The following CTNNA2 variants were observed in gnomAD, a reference collection of about 807,000 sequenced individuals.
The protein encoded by CTNNA2 is catenin alpha-2.
CTNNA2 carries 42 observed loss-of-function variants against 101.0 expected under a neutral mutation model. The observed-to-expected ratio is 0.42, with a 90% CI of 0.32 to 0.54. The LOEUF (loss-of-function observed/expected upper bound fraction) is 0.54. CTNNA2 is among the 20% of genes least tolerant of loss of function. CTNNA2 has a pLI of 0.14. For synonymous variants in CTNNA2, 450 were observed against 456.4 expected, an observed-to-expected ratio of 0.99 and a Z score of 0.18; for missense variants, 871 against 1,223.1, an observed-to-expected ratio of 0.71 and a Z score of 4.29.
chr2:79,959,055 T>TTTTC lies in CTNNA2; in HGVS notation c.1056+49270_1056+49273dup, dbSNP rs536566461. On this transcript the variant is annotated intron_variant, in intron 7 of 18. Coordinates refer to ENST00000402739, the MANE Select transcript of CTNNA2 (RefSeq NM_001282597.3). ...CTTACTCGACTGTAGCTCCGTTTTT[T>TTTTC]TTTCTTTCTTTCTTTTCTGGAGGCA... Among the ~76,000 whole-genome samples, 1,479 of 152,182 alleles carry TTTTC rather than the reference T, an allele frequency of 9.7e-3. 26 individuals are homozygous for TTTTC. Among genetic ancestry groups the TTTTC allele is most frequent in the African/African-American group, 0.034 (1,395 of 41,486 alleles).
At chr2:79,859,188 C>A (rs1250873307) in intron 4 of CTNNA2, among the ~76,000 whole-genome samples, 2 of 152,048 alleles carry the variant, frequency 1.3e-5, no homozygotes, top group African/African-American at 4.8e-5. Context: ...TTGGTTACCC[C>A]TGCTGTCCTG....
At chr2:79,343,072 T>C (rs150556485) in intron 3 of CTNNA2, among the ~76,000 whole-genome samples, 1,800 of 152,314 alleles carry the variant, frequency 0.012, 24 homozygotes, top group Non-Finnish European at 0.019. Context: ...GCTGTGCACA[T>C]TGATTTATGT....
intron 7 of CTNNA2, among the ~76,000 whole-genome samples, chr2:80,236,869 C>A (rs943528779): frequency 6.6e-6 from 1 of 152,088 alleles, no homozygotes; most frequent in African/African-American, 2.4e-5. Flanking sequence ...TGAGATGGCA[C>A]CAATTTATAG....
Position 79,754,468 on chromosome 2 carries a change from T to C in CTNNA2, c.298+9886T>C, listed in dbSNP as rs143256646. ...TTCCCTGACCAGGAAGCTCCCTCTG[T>C]CACACAGCTCTGTCCCTCCTCCTTC... On this transcript the variant is annotated intron_variant, in intron 3 of 18. Transcript: ENST00000402739. Among the ~76,000 whole-genome samples, 125 of 152,218 alleles carry C rather than the reference T, an allele frequency of 8.2e-4. 2 individuals are homozygous for C. Among genetic ancestry groups the C allele is most frequent in the African/African-American group, 2.5e-3 (105 of 41,548 alleles).
chr2:79,216,629 T>A (rs1023795963), intron 2 of CTNNA2, among the ~76,000 whole-genome samples: 1 of 141,964 alleles, frequency 7.0e-6, no homozygotes, highest in African/African-American at 2.7e-5. Context: ...GGTAGAGACA[T>A]GCAGAGAAGG....
At chr2:80,637,645 A>G (rs1170858437) in intron 18 of CTNNA2, among the ~76,000 whole-genome samples, 1 of 152,076 alleles carries the variant, frequency 6.6e-6, no homozygotes, top group Non-Finnish European at 1.5e-5. Flanking sequence ...AGTTATTTCC[A>G]TACACCTGAT....
intron 4 of CTNNA2, among the ~76,000 whole-genome samples, chr2:79,441,982 A>G (rs1678783048): frequency 6.6e-6 from 1 of 152,152 alleles, no homozygotes; most frequent in African/African-American, 2.4e-5. Flanking sequence ...TTCAGCCCAA[A>G]TTCACCCCTT....
chr2:80,146,959 A>ATTTT (rs1703388509), intron 7 of CTNNA2, among the ~76,000 whole-genome samples: 1 of 141,548 alleles, frequency 7.1e-6, no homozygotes, highest in Non-Finnish European at 1.5e-5. Context: ...TTATTTATTT[A>ATTTT]TTTATTTATT....
At chr2:79,594,827 A>G (rs1243382010) in intron 1 of CTNNA2, among the ~76,000 whole-genome samples, 1 of 152,182 alleles carries the variant, frequency 6.6e-6, no homozygotes, top group African/African-American at 2.4e-5. Context: ...CATTCTAAAA[A>G]TTATATCATC....
intron 1 of CTNNA2, among the ~76,000 whole-genome samples, chr2:79,193,633 G>T (rs1240810671): frequency 6.6e-6 from 1 of 151,980 alleles, no homozygotes; most frequent in East Asian, 1.9e-4. Context: ...TTCCATTTTT[G>T]ACCTCCAATT....
intron 1 of CTNNA2, among the ~76,000 whole-genome samples, chr2:79,629,115 T>A (rs1428581339): frequency 6.6e-6 from 1 of 152,172 alleles, no homozygotes; most frequent in East Asian, 1.9e-4. Context: ...TTGCTTCCCC[T>A]ATGCCAGCCA....
At chr2:79,300,583 A>G (rs1006151790) in intron 2 of CTNNA2, among the ~76,000 whole-genome samples, 2 of 152,068 alleles carry the variant, frequency 1.3e-5, no homozygotes, top group African/African-American at 4.8e-5. Flanking sequence ...CTCCACCTCA[A>G]TTGATGCACT....
At chr2:80,189,517 GCCCT>G (rs1335021133) in intron 7 of CTNNA2, among the ~76,000 whole-genome samples, 1 of 152,186 alleles carries the variant, frequency 6.6e-6, no homozygotes, top group Non-Finnish European at 1.5e-5. Context: ...GTCAAAGTTT[GCCCT>G]CCACAGGACA....
At chr2:80,146,537 G>T (rs1395564961) in intron 7 of CTNNA2, among the ~76,000 whole-genome samples, 1 of 151,566 alleles carries the variant, frequency 6.6e-6, no homozygotes, top group Non-Finnish European at 1.5e-5. Flanking sequence ...TTGCCTTTGG[G>T]GAAGAAATAG....
chr2:79,857,543 T>A (rs1287379782), intron 3 of CTNNA2, among the ~76,000 whole-genome samples: 1 of 152,176 alleles, frequency 6.6e-6, no homozygotes, highest in South Asian at 2.1e-4. Flanking sequence ...TATGATGTGT[T>A]CTTGTCTGAT....
chr2:80,032,323 A>T (rs796258285), intron 7 of CTNNA2, among the ~76,000 whole-genome samples: 27 of 152,340 alleles, frequency 1.8e-4, no homozygotes, highest in African/African-American at 6.3e-4. Flanking sequence ...AATATCCTGC[A>T]TGAAATATGA....
At chr2:80,386,470 G>A (rs749385836) in intron 7 of CTNNA2, among the ~76,000 whole-genome samples, 1 of 152,116 alleles carries the variant, frequency 6.6e-6, no homozygotes. Context: ...ATAAATAATG[G>A]TGCTATTTGT....
intron 18 of CTNNA2, among the ~76,000 whole-genome samples, chr2:80,636,908 A>G (rs999419938): frequency 2.6e-5 from 4 of 152,098 alleles, no homozygotes; most frequent in Non-Finnish European, 5.9e-5. Flanking sequence ...CTACCCCTTT[A>G]TTCCATCTAA....
intron 7 of CTNNA2, among the ~76,000 whole-genome samples, chr2:80,350,041 A>G (rs543094316): frequency 2.0e-5 from 3 of 152,308 alleles, no homozygotes; most frequent in Admixed American, 2.0e-4. Flanking sequence ...TTAAAATACA[A>G]TGGAGTATGA....
Sources: gnomAD v4.1 joint callset for allele counts (sites outside exome capture counted in the v4.1 genomes callset) on GRCh38, gnomAD v4.1.1 for gene constraint, MANE v1.5 for transcripts, NCBI Gene and HGNC (gene_info 2026-07-23, HGNC 2026-07-21) for gene names.